The following P2RY2 variants were observed in gnomAD, a reference collection of about 807,000 sequenced individuals.
P2RY2 encodes the protein purinergic receptor P2Y2, also known as P2Y purinoceptor 2.
For missense variants in P2RY2, 567 were observed against 515.7 expected (o/e 1.10, Z -0.96); for synonymous variants, 241 against 231.9 (o/e 1.04, Z -0.35).
chr11:73,224,092 A>G (rs546744336), intron 1 of P2RY2, among the ~76,000 whole-genome samples: 1 of 152,294 alleles, frequency 6.6e-6, no homozygotes, highest in South Asian at 2.1e-4. Flanking sequence ...TAACACCACA[A>G]CAGCACCGGC....
In P2RY2 at chr11:73,234,680, C is replaced by A. The variant is rs2135646922; in HGVS notation, c.521C>A (p.Thr174Asn). ...CQAPVLYFVT[T>N]SARGGRVTCH... ...GCCCCCGTGCTCTACTTTGTCACCA[C>A]CAGCGCGCGCGGGGGCCGCGTAACC... Residue 174 changes from threonine to asparagine, a missense_variant, in exon 3 of 3, where the codon ACC becomes AAC. Physicochemically the swap from Thr to Asn is moderately conservative, Grantham distance 65 (BLOSUM62 0). Transcript: ENST00000393597. 1.3e-6 allele frequency: 2 copies of A among 1,598,354 alleles called. No homozygotes were observed. The highest frequency in any genetic ancestry group is 2.2e-5 in the East Asian group (1 of 44,692).
At chr11:73,234,017 T>G in intron 2 of P2RY2, 139 bp from the exon 3 acceptor site, 1 of 980,058 alleles carries the variant, frequency 1.0e-6, no homozygotes, top group Admixed American at 2.9e-5. Context: ...TCATGCATTC[T>G]CAAGGTTCCA....
At position 73,234,972 on chromosome 11, in the gene P2RY2, C is replaced by A; in HGVS notation, c.813C>A (p.Phe271Leu). ...TCACCCGCACCCTCTACTACTCCTTCCGCTCGCTGGACCTCAGCTGCCACA... is the reference window on the plus strand; with the variant it reads ...TCACCCGCACCCTCTACTACTCCTTACGCTCGCTGGACCTCAGCTGCCACA... ...FHVTRTLYYS[F>L]RSLDLSCHTL... The change falls in exon 3 of 3, where the codon TTC (phenylalanine) becomes TTA (leucine). Residue 271 changes from phenylalanine (F) to leucine (L), a missense_variant. Phe to Leu is a conservative substitution (Grantham distance 22, BLOSUM62 0). Coordinates refer to ENST00000393597, the MANE Select transcript of P2RY2 (RefSeq NM_002564.4). 6.2e-7 allele frequency: 1 copy of A among 1,610,654 alleles called. No individual in the cohort carries two copies.
rs1375442307 is a variant in P2RY2 at position 73,238,041 on chromosome 11, C to A, written c.*2748C>A. ...GTGAGTTGCCCATCCACTGAGCAGA[C>A]CCCAGGGATTATCCAGCCCAGCTGC... On this transcript the variant is annotated 3_prime_UTR_variant, in exon 3 of 3. Transcript: ENST00000393597. Among the ~76,000 whole-genome samples the A allele has an allele frequency of 6.6e-6, 1 of 152,218 alleles. No individual in the cohort carries two copies. The highest frequency in any genetic ancestry group is 1.5e-5 in the Non-Finnish European group (1 of 68,040).
At chr11:73,222,662 C>G (rs1291274855) in intron 1 of P2RY2, among the ~76,000 whole-genome samples, 2 of 152,132 alleles carry the variant, frequency 1.3e-5, no homozygotes, top group African/African-American at 4.8e-5. Context: ...TTTGCTCATG[C>G]CTCTCCTGCC....
Position 73,238,107 on chromosome 11 carries a change from A to G in P2RY2, c.*2814A>G, listed in dbSNP as rs898386450. Among the ~76,000 whole-genome samples, 2 of 152,230 alleles carry G rather than the reference A, an allele frequency of 1.3e-5. No individual in the cohort carries two copies. The highest frequency in any genetic ancestry group is 2.9e-5 in the Non-Finnish European group (2 of 68,034). On this transcript the variant is annotated 3_prime_UTR_variant, in exon 3 of 3. Coordinates refer to ENST00000393597, the MANE Select transcript of P2RY2 (RefSeq NM_002564.4). ...GATGGGCAGGGCTGAGCCCAAGGTC[A>G]TTCAGCAGGTCAGCGTGGCGCCTGG... is the stretch of plus-strand genomic sequence containing the variant.
At chr11:73,218,527 GGGAGGGCGCTGT>G (rs1254068356) in intron 1 of P2RY2, 95 bp downstream of exon 1, 26 of 152,834 alleles carry the variant, frequency 1.7e-4, no homozygotes, top group South Asian at 4.1e-4. Flanking sequence ...CGCGGGGCAG[GGGAGGGCGCTGT>G]GGAGCGGCTG....
Position 73,234,489 on chromosome 11 carries a change from C to T in P2RY2, c.330C>T (p.Arg110=). 6.2e-7 allele frequency: 1 copy of T among 1,614,090 alleles called. No individual in the cohort carries two copies. The highest frequency in any genetic ancestry group is 8.5e-7 in the Non-Finnish European group (1 of 1,179,982). ...PFSTVLCKLV[R]FLFYTNLYCS... ...GCACGGTGCTCTGCAAGCTGGTGCG[C>T]TTCCTCTTCTACACCAACCTTTACT... Residue 110 remains arginine (R), a synonymous_variant, in exon 3 of 3, where the codon CGC becomes CGT. Coordinates refer to ENST00000393597, the MANE Select transcript of P2RY2 (RefSeq NM_002564.4).
chr11:73,229,327 A>G (rs1398731999), intron 2 of P2RY2, among the ~76,000 whole-genome samples: 1 of 152,170 alleles, frequency 6.6e-6, no homozygotes, highest in African/African-American at 2.4e-5. Flanking sequence ...TACAAGGCTC[A>G]CATCTCCCCT....
At position 73,227,321 on chromosome 11, in the gene P2RY2, C is replaced by A. The variant is rs563720134; in HGVS notation, c.-199-660C>A. Among the ~76,000 whole-genome samples, 5 of 152,150 alleles carry A rather than the reference C, an allele frequency of 3.3e-5. No individual in the cohort carries two copies. The South Asian group carries it at 1.0e-3, about 32-fold the overall frequency. ...ATGTGGCACAGGAGATTTCTAAATG[C>A]CATTTTAGGCCCTGATGGTCTAGAC... On this transcript the variant is annotated intron_variant, in intron 1 of 2. Transcript: ENST00000393597.
rs373956092 is a variant in P2RY2, at chr11:73,235,013, A to C, written c.854A>C (p.Asn285Thr). 4.9e-5 allele frequency: 79 copies of C among 1,608,712 alleles called. No homozygotes were observed. The highest frequency in any genetic ancestry group is 8.3e-5 in the Admixed American group (5 of 60,012). Residue 285 changes from asparagine to threonine, a missense_variant, in exon 3 of 3, where the codon AAC (asparagine) becomes ACC (threonine). Asn to Thr is a moderately conservative substitution (Grantham distance 65, BLOSUM62 0). Coordinates refer to ENST00000393597, the MANE Select transcript of P2RY2 (RefSeq NM_002564.4). ...DLSCHTLNAI[N>T]MAYKVTRPLA... ...AGCTGCCACACCCTCAACGCCATCA[A>C]CATGGCCTACAAGGTTACCCGGCCG...
In P2RY2 at chr11:73,235,076, A is replaced by G; in HGVS notation, c.917A>G (p.Tyr306Cys). Reference sequence around the variant, plus strand: ...AACAGTTGCCTTGACCCCGTGCTCTACTTCCTGGCTGGGCAGAGGCTCGTA... The same window carrying G: ...AACAGTTGCCTTGACCCCGTGCTCTGCTTCCTGGCTGGGCAGAGGCTCGTA... ...SANSCLDPVL[Y>C]FLAGQRLVRF... The change falls in exon 3 of 3, where the codon TAC becomes TGC. Residue 306 changes from tyrosine to cysteine, a missense_variant. Transcript: ENST00000393597. The G allele has an allele frequency of 1.2e-6, 2 of 1,608,154 alleles. No homozygotes were observed. Among genetic ancestry groups the G allele is most frequent in the Non-Finnish European group, 1.7e-6 (2 of 1,179,508 alleles).
At chr11:73,224,248 T>C (rs540388921) in intron 1 of P2RY2, among the ~76,000 whole-genome samples, 1 of 152,254 alleles carries the variant, frequency 6.6e-6, no homozygotes, top group East Asian at 1.9e-4. Flanking sequence ...ACTTCTAAGC[T>C]CCTCAGCCTG....
At chr11:73,223,177 C>T (rs911189414) in intron 1 of P2RY2, among the ~76,000 whole-genome samples, 5 of 152,212 alleles carry the variant, frequency 3.3e-5, no homozygotes, top group Non-Finnish European at 4.4e-5. Context: ...ACTCAGAATC[C>T]TGGAGGTACC....
At chr11:73,229,894 T>A (rs1236029242) in intron 2 of P2RY2, among the ~76,000 whole-genome samples, 2 of 151,980 alleles carry the variant, frequency 1.3e-5, no homozygotes, top group African/African-American at 4.8e-5. Context: ...GGAAGCCCCC[T>A]CCCTGTCCAA....
chr11:73,237,842 A>T lies in P2RY2; in HGVS notation c.*2549A>T, dbSNP rs1464554372. ...TCATGCTATTTTCAGCCCAAGTAAG[A>T]CCATAATTTTCCACTCCTGGCCCCA... On this transcript the variant is annotated 3_prime_UTR_variant, in exon 3 of 3. Transcript: ENST00000393597. 5.3e-5 allele frequency among the ~76,000 whole-genome samples: 8 copies of T among 152,104 alleles called. No homozygotes were observed. The highest frequency in any genetic ancestry group is 1.9e-4 in the African/African-American group (8 of 41,410).
Position 73,235,084 on chromosome 11 carries a change from G to T in P2RY2, c.925G>T (p.Ala309Ser), listed in dbSNP as rs1862600860. The change falls in exon 3 of 3, where the codon GCT (alanine) becomes TCT (serine). Residue 309 changes from alanine (A) to serine (S), a missense_variant. Transcript: ENST00000393597. The stretch of plus-strand genomic sequence containing the variant: ...CCTTGACCCCGTGCTCTACTTCCTG[G>T]CTGGGCAGAGGCTCGTACGCTTTGC... The part of the protein sequence containing the change: ...SCLDPVLYFL[A>S]GQRLVRFARD... 4 of 1,607,962 alleles carry T rather than the reference G, an allele frequency of 2.5e-6. No individual in the cohort carries two copies. The highest frequency in any genetic ancestry group is 2.5e-6 in the Non-Finnish European group (3 of 1,179,346).
rs916618617 is a variant in P2RY2 at position 73,241,082 on chromosome 11, C to T, written c.*5789C>T. Reference sequence around the variant, plus strand: ...CCCAGAGAGCTCCTCACCCTCTTTCCACCATGTGAGGATATAATGAGAAGT... The same window carrying T: ...CCCAGAGAGCTCCTCACCCTCTTTCTACCATGTGAGGATATAATGAGAAGT... On this transcript the variant is annotated 3_prime_UTR_variant, in exon 3 of 3. Coordinates refer to ENST00000393597, the MANE Select transcript of P2RY2 (RefSeq NM_002564.4). 3.9e-5 allele frequency: 6 copies of T among 152,230 alleles called. No individual in the cohort carries two copies. The South Asian group carries it at 1.2e-3, about 32-fold the overall frequency. 9.4% of individuals were successfully genotyped at this position (152,230 alleles called of 1,614,324 possible).
chr11:73,220,692 T>G (rs1286278699), intron 1 of P2RY2, among the ~76,000 whole-genome samples: 1 of 152,122 alleles, frequency 6.6e-6, no homozygotes, highest in Non-Finnish European at 1.5e-5. Flanking sequence ...TTTCTCCTCT[T>G]CTCCCTGCCT....
Sources: gnomAD v4.1 joint callset for allele counts (sites outside exome capture counted in the v4.1 genomes callset) on GRCh38, gnomAD v4.1.1 for gene constraint, MANE v1.5 for transcripts, NCBI Gene and HGNC (gene_info 2026-07-23, HGNC 2026-07-21) for gene names.